Variants in AMPD1 observed in about 807,000 individuals in gnomAD.
The protein encoded by AMPD1 is adenosine monophosphate deaminase 1, also known as AMP deaminase 1.
In AMPD1, 74 loss-of-function variants were observed where a neutral mutation model predicts 82.9. That is an observed-to-expected ratio of 0.89 (90% confidence interval 0.74 to 1.08). AMPD1 has a LOEUF of 1.08. AMPD1 is among the 50% of genes least tolerant of loss of function. The probability of loss-of-function intolerance (pLI) is 0.00; values close to 1 mark genes in which losing one functional copy is unlikely to be tolerated. For missense variants in AMPD1, 881 were observed against 924.5 expected (o/e 0.95, Z 0.61); for synonymous variants, 333 against 320.5 (o/e 1.04, Z -0.42).
At chr1:114,688,535 C>G (rs764716371) in intron 3 of AMPD1, 26 bp downstream of exon 3, 4 of 1,613,522 alleles carry the variant, frequency 2.5e-6, no homozygotes, top group African/African-American at 1.3e-5. Flanking sequence ...TGCCAATATA[C>G]TAAGCACTCC....
rs553561369 is a variant in AMPD1 at position 114,686,624 on chromosome 1, G to A, written c.381+121C>T. 14 of 1,020,954 alleles carry A rather than the reference G, an allele frequency of 1.4e-5. No individual in the cohort carries two copies. The Middle Eastern group carries it at 6.2e-4, about 46-fold the overall frequency. 63.2% of individuals were successfully genotyped at this position (1,020,954 alleles called of 1,614,324 possible). ...TAGTATTGAAATGCAATAATGAAGT[G>A]TAACAAAGGACAGGTGAGCTAATAC... On this transcript the variant is annotated intron_variant, in intron 4 of 15. Transcript: ENST00000520113.
At chr1:114,674,180 A>C in intron 13 of AMPD1, 98 bp from the exon 14 acceptor site, 1 of 1,132,586 alleles carries the variant, frequency 8.8e-7, no homozygotes, top group South Asian at 1.4e-5. Context: ...TTCAGCTTTC[A>C]ACAAAATTAT....
At position 114,677,837 on chromosome 1, in the gene AMPD1, C is replaced by CCTTCCTTCCTTCCTTCCTTT. The variant is rs1557969566; in HGVS notation, c.1224+72_1224+73insAAAGGAAGGAAGGAAGGAAG. ...TCCTTCCTTCCTTCCTTCCTTCCTT[C>CCTTCCTTCCTTCCTTCCTTT]CTTCCTTCCTTCCTTCTTCCCTTTC... On this transcript the variant is annotated intron_variant, in intron 9 of 15. Coordinates refer to ENST00000520113, the MANE Select transcript of AMPD1 (RefSeq NM_000036.3). 32 of 1,284,732 alleles carry CCTTCCTTCCTTCCTTCCTTT rather than the reference C, an allele frequency of 2.5e-5. No individual in the cohort carries two copies. The African/African-American group carries it at 4.5e-4, about 18-fold the overall frequency. The allele number at this position is 1,284,732 out of a possible 1,614,324, so 79.6% of individuals were successfully genotyped here. A position where few individuals can be genotyped will look rare whatever the true frequency, so the allele number is the denominator to read the frequency against.
Position 114,674,738 on chromosome 1 carries a change from A to C in AMPD1, c.1800+14T>G, listed in dbSNP as rs369971812. On this transcript the variant is annotated intron_variant, in intron 13 of 15. Coordinates refer to ENST00000520113, the MANE Select transcript of AMPD1 (RefSeq NM_000036.3). ...GCTCCAATGTAAAAGTTAAGAAGAG[A>C]GCTTCCAACTCACCTTTTTTAAATT... The C allele has an allele frequency of 8.7e-6, 14 of 1,612,828 alleles. No homozygotes were observed. Among genetic ancestry groups the C allele is most frequent in the African/African-American group, 6.7e-5 (5 of 74,918 alleles).
At chr1:114,673,798 T>A (rs749679882) in intron 14 of AMPD1, 49 bp from the exon 15 acceptor site, 1 of 1,574,196 alleles carries the variant, frequency 6.4e-7, no homozygotes, top group Non-Finnish European at 8.7e-7. Context: ...TAATAAATAA[T>A]ATGCATCCTG....
intron 4 of AMPD1, among the ~76,000 whole-genome samples, chr1:114,684,703 C>A (rs1034326985): frequency 1.3e-5 from 2 of 152,176 alleles, no homozygotes; most frequent in African/African-American, 4.8e-5. Flanking sequence ...TATATACTTT[C>A]TTCCTTCTAA....
intron 3 of AMPD1, 107 bp downstream of exon 3, chr1:114,688,454 T>C (rs1346025618): frequency 7.6e-7 from 1 of 1,323,108 alleles, no homozygotes; most frequent in East Asian, 2.3e-5. Context: ...CTGGCAGAGT[T>C]CTTCCTCTGA....
chr1:114,677,342 G>T lies in AMPD1; in HGVS notation c.1388+9C>A, dbSNP rs1236543319. The T allele has an allele frequency of 1.9e-6, 3 of 1,609,846 alleles. No individual in the cohort carries two copies. The highest frequency in any genetic ancestry group is 2.2e-5 in the South Asian group (2 of 90,730). On this transcript the variant is annotated intron_variant, in intron 10 of 15. Transcript: ENST00000520113. ...CAGGCTCTAGAGTTTCTGATGGGCAGGTACATACTAGATCCTGGGAACCTG... is the reference window on the plus strand; with the variant it reads ...CAGGCTCTAGAGTTTCTGATGGGCATGTACATACTAGATCCTGGGAACCTG...
chr1:114,686,654 C>A, intron 4 of AMPD1, 91 bp downstream of exon 4: 1 of 1,409,724 alleles, frequency 7.1e-7, no homozygotes, highest in South Asian at 1.2e-5. Flanking sequence ...TAATACCTCC[C>A]TCAACAGGAA....
At chr1:114,684,429 G>C in intron 4 of AMPD1, 65 bp from the exon 5 acceptor site, 1 of 1,553,598 alleles carries the variant, frequency 6.4e-7, no homozygotes, top group Non-Finnish European at 8.8e-7. Context: ...AGTGAGTAAA[G>C]CTTATCCTTG....
rs1015693996 is a variant in AMPD1 at position 114,677,904 on chromosome 1, C to T, written c.1224+6G>A. ...GATACCATAGATGTGATTGGTTCCG[C>T]CTCACCTTGATGATAGTGGCAAAAT... On this transcript the variant is annotated splice_donor_region_variant and intron_variant, in intron 9 of 15. Transcript: ENST00000520113. The T allele has an allele frequency of 6.2e-7, 1 of 1,611,720 alleles. No homozygotes were observed. Among genetic ancestry groups the T allele is most frequent in the Admixed American group, 1.7e-5 (1 of 59,706 alleles).
At chr1:114,674,449 G>T (rs1274928113) in intron 13 of AMPD1, among the ~76,000 whole-genome samples, 1 of 152,082 alleles carries the variant, frequency 6.6e-6, no homozygotes, top group African/African-American at 2.4e-5. Context: ...GCTATAACAA[G>T]AAATCTGGCA....
intron 6 of AMPD1, 27 bp downstream of exon 6, chr1:114,680,232 G>A: frequency 1.3e-6 from 2 of 1,576,634 alleles, no homozygotes; most frequent in South Asian, 2.2e-5. Flanking sequence ...ACTAGTTGTT[G>A]TTGTTTAGGT....
chr1:114,673,434 G>A lies in AMPD1; in HGVS notation c.2086-162C>T, dbSNP rs144784409. 6.9e-3 allele frequency among the ~76,000 whole-genome samples: 1,044 copies of A among 152,268 alleles called. 10 individuals are homozygous for A. The highest frequency in any genetic ancestry group is 0.023 in the African/African-American group (953 of 41,550). On this transcript the variant is annotated intron_variant, in intron 15 of 15. Coordinates refer to ENST00000520113, the MANE Select transcript of AMPD1 (RefSeq NM_000036.3). ...CCCATCTAGTGCCTCAGTGTTCACA[G>A]TCTGCTGAGAAATCAAGTGTATTTT...
At chr1:114,687,487 CA>C (rs943051229) in intron 3 of AMPD1, among the ~76,000 whole-genome samples, 2 of 152,092 alleles carry the variant, frequency 1.3e-5, no homozygotes, top group African/African-American at 4.8e-5. Context: ...CTATGGGGGA[CA>C]CCAAAGGAGA....
intron 12 of AMPD1, 139 bp downstream of exon 12, chr1:114,675,386 AAAGTT>A (rs2101711591): frequency 4.5e-6 from 4 of 880,796 alleles, no homozygotes; most frequent in Non-Finnish European, 7.3e-6. Flanking sequence ...ACTGAAGAAA[AAAGTT>A]AAGAGAAAGA....
chr1:114,694,717 G>A (rs1570859041), intron 1 of AMPD1, among the ~76,000 whole-genome samples: 1 of 152,060 alleles, frequency 6.6e-6, no homozygotes, highest in Non-Finnish European at 1.5e-5. Context: ...GGTGGCAAGT[G>A]CCTGTAGTCC....
At chr1:114,674,922 A>G (rs775859259) in intron 12 of AMPD1, 50 bp from the exon 13 acceptor site, 4 of 1,611,850 alleles carry the variant, frequency 2.5e-6, no homozygotes, top group Non-Finnish European at 3.4e-6. Flanking sequence ...GTATGGAGTG[A>G]TTCACAAGAA....
At chr1:114,674,235 T>C (rs187456398) in intron 13 of AMPD1, among the ~76,000 whole-genome samples, 153 bp from the exon 14 acceptor site, 33 of 152,346 alleles carry the variant, frequency 2.2e-4, no homozygotes, top group African/African-American at 7.9e-4. Flanking sequence ...TAGGAGTTTT[T>C]CAATGTAAAT....
Sources: gnomAD v4.1 joint callset for allele counts (sites outside exome capture counted in the v4.1 genomes callset) on GRCh38, gnomAD v4.1.1 for gene constraint, MANE v1.5 for transcripts, NCBI Gene and HGNC (gene_info 2026-07-23, HGNC 2026-07-21) for gene names.